The following IFT140 variants were observed in gnomAD, a reference collection of about 807,000 sequenced individuals.
IFT140 encodes intraflagellar transport protein 140 homolog.
IFT140 carries 133 observed loss-of-function variants against 164.6 expected under a neutral mutation model. The observed-to-expected ratio is 0.81, with a 90% CI of 0.70 to 0.93. The LOEUF (loss-of-function observed/expected upper bound fraction) is 0.93, where lower values mean the gene tolerates loss of function less well. IFT140 is among the 40% of genes least tolerant of loss of function. The probability of loss-of-function intolerance (pLI) is 0.00; values close to 1 mark genes in which losing one functional copy is unlikely to be tolerated. For synonymous variants in IFT140, 860 were observed against 817.3 expected, an observed-to-expected ratio of 1.05 and a Z score of -0.89; for missense variants, 2,045 against 1,972.3, an observed-to-expected ratio of 1.04 and a Z score of -0.70.
intron 19 of IFT140, among the ~76,000 whole-genome samples, chr16:1,528,506 TGCAGGCACACAC>T: frequency 6.9e-6 from 1 of 145,570 alleles, no homozygotes; most frequent in Non-Finnish European, 1.5e-5. Context: ...TACACACACA[TGCAGGCACACAC>T]ACAGGCACAC....
Position 1,534,639 on chromosome 16 carries a change from C to T in IFT140, c.2400-7843G>A, listed in dbSNP as rs761384978. On this transcript the variant is annotated intron_variant, in intron 19 of 30. Transcript: ENST00000426508. ...AGATGTTAGGCGCGGACCTGGTGAG[C>T]GGGTGGGGAGGCCTGGCCCCTGCTC... 1.7e-4 allele frequency: 276 copies of T among 1,577,582 alleles called. 1 individual carries two copies. The highest frequency in any genetic ancestry group is 7.6e-4 in the East Asian group (34 of 44,732).
chr16:1,553,931 A>C lies in IFT140; in HGVS notation c.2399+4004T>G. ...ACTAAAAAGGTCTTTGGAGCTCCTC[A>C]AAGATAAAACTGTAAGTGAAACTGT... is the stretch of plus-strand genomic sequence containing the variant. On this transcript the variant is annotated intron_variant, in intron 19 of 30. Transcript: ENST00000426508. This position sits in a 1 kb window ranked among gnomAD's most constrained non-coding sequence, Gnocchi z 4.4. 1 of 1,285,036 alleles carries C rather than the reference A, an allele frequency of 7.8e-7. No individual in the cohort carries two copies. Among genetic ancestry groups the C allele is most frequent in the East Asian group, 5.6e-5 (1 of 17,972 alleles). The allele number at this position is 1,285,036 out of a possible 1,614,324, so 79.6% of individuals were successfully genotyped here. A position where few individuals can be genotyped will look rare whatever the true frequency, so the allele number is the denominator to read the frequency against.
rs550151627 is a variant in IFT140 at position 1,605,917 on chromosome 16, C to G, written c.147+1203G>C. 2.0e-5 allele frequency among the ~76,000 whole-genome samples: 3 copies of G among 152,280 alleles called. No individual in the cohort carries two copies. In the South Asian group the frequency reaches 6.2e-4, roughly 32 times the overall value. On this transcript the variant is annotated intron_variant, in intron 3 of 30. Coordinates refer to ENST00000426508, the MANE Select transcript of IFT140 (RefSeq NM_014714.4). Reference sequence around the variant, plus strand: ...TCAGGTGAGGTCATTAGAGCAGGCCCTAGTTACATATGCCTGATGTCCTTT... The same window carrying G: ...TCAGGTGAGGTCATTAGAGCAGGCCGTAGTTACATATGCCTGATGTCCTTT...
intron 13 of IFT140, among the ~76,000 whole-genome samples, chr16:1,572,272 C>T (rs919781858): frequency 4.6e-5 from 7 of 152,152 alleles, no homozygotes; most frequent in African/African-American, 7.2e-5. Flanking sequence ...GAAGTGATTT[C>T]GCATCATTTA....
chr16:1,562,214 G>A (rs1047313598), intron 17 of IFT140, 98 bp from the exon 18 acceptor site: 1 of 1,097,982 alleles, frequency 9.1e-7, no homozygotes, highest in Non-Finnish European at 1.3e-6. Flanking sequence ...GCGTCACGGT[G>A]GGGTCGTTGC....
chr16:1,528,394 CACGG>C (rs2030008872), intron 19 of IFT140, among the ~76,000 whole-genome samples: 1 of 146,088 alleles, frequency 6.8e-6, no homozygotes, highest in Non-Finnish European at 1.5e-5. Context: ...TGTGCACACA[CACGG>C]ATGCACACAC....
intron 19 of IFT140, chr16:1,532,655 G>A (rs1047448521): frequency 6.6e-6 from 1 of 152,276 alleles, no homozygotes; most frequent in Admixed American, 6.5e-5. Context: ...GTGTGCCCAT[G>A]AACAGTTTGC....
rs148433720 is a variant in IFT140 at position 1,568,348 on chromosome 16, G to A, written c.1653-14C>T. 8.7e-5 allele frequency: 140 copies of A among 1,604,852 alleles called. No individual in the cohort carries two copies. In the East Asian group the frequency reaches 1.8e-3, roughly 21 times the overall value. On this transcript the variant is annotated splice_polypyrimidine_tract_variant and intron_variant, in intron 14 of 30. Coordinates refer to ENST00000426508, the MANE Select transcript of IFT140 (RefSeq NM_014714.4). ...GCTTTGGCCTCTCTGCAGGGAGGAA[G>A]AGGGACCTCAGTGCCCGCCAGAGGC...
intron 4 of IFT140, among the ~76,000 whole-genome samples, chr16:1,594,727 G>C (rs1341372402): frequency 6.6e-6 from 1 of 152,212 alleles, no homozygotes; most frequent in Non-Finnish European, 1.5e-5. Context: ...GACAGCCGGC[G>C]GGGCCTCCCG....
chr16:1,516,495 T>C (rs903931248), intron 30 of IFT140, among the ~76,000 whole-genome samples: 2 of 151,384 alleles, frequency 1.3e-5, no homozygotes, highest in Non-Finnish European at 3.0e-5. Flanking sequence ...TAAGGCCAGG[T>C]GCGGTGGCTC....
At chr16:1,603,004 G>T (rs889174265) in intron 3 of IFT140, among the ~76,000 whole-genome samples, 2 of 152,128 alleles carry the variant, frequency 1.3e-5, no homozygotes, top group Non-Finnish European at 2.9e-5. Flanking sequence ...TGGCGACAAG[G>T]TACAAAAGCT....
chr16:1,523,728 TGCCCGAGGCCTGGGG>T, intron 25 of IFT140, 28 bp from the exon 26 acceptor site: 2 of 1,608,256 alleles, frequency 1.2e-6, no homozygotes, highest in South Asian at 2.2e-5. Context: ...TCTGAGCAGC[TGCCCGAGGCCTGGGG>T]GCCCGAGCAC....
chr16:1,607,156 T>C lies in IFT140; in HGVS notation c.111A>G (p.Thr37=). 1 of 1,614,208 alleles carries C rather than the reference T, an allele frequency of 6.2e-7. No individual in the cohort carries two copies. Among genetic ancestry groups the C allele is most frequent in the Non-Finnish European group, 8.5e-7 (1 of 1,180,032 alleles). Residue 37 remains threonine, a synonymous_variant, in exon 3 of 31, where the codon ACA becomes ACG. Transcript: ENST00000426508. ...HPFLAVAYIS[T]TSTGSVDIYL... ...AAATATCCACGCTGCCTGTTGAGGT[T>C]GTGCTGATGTAAGCAACTGCCAAGA...
chr16:1,571,365 A>T, intron 14 of IFT140, 42 bp downstream of exon 14: 1 of 1,598,778 alleles, frequency 6.3e-7, no homozygotes, highest in South Asian at 1.1e-5. Context: ...CTCCTGACTG[A>T]CTAAAAAAAT....
chr16:1,571,324 C>G, intron 14 of IFT140, 83 bp downstream of exon 14: 5 of 1,377,516 alleles, frequency 3.6e-6, no homozygotes, highest in Non-Finnish European at 5.0e-6. Context: ...AGTCTTCTGG[C>G]TTCTAACTCA....
chr16:1,525,008 C>G (rs1254473457), intron 22 of IFT140, 92 bp from the exon 23 acceptor site: 1 of 1,488,934 alleles, frequency 6.7e-7, no homozygotes, highest in African/African-American at 1.4e-5. Flanking sequence ...CCTTAGAGTG[C>G]ATGTCACCTG....
intron 4 of IFT140, among the ~76,000 whole-genome samples, chr16:1,596,059 C>A (rs1181843698): frequency 1.3e-5 from 2 of 152,104 alleles, no homozygotes; most frequent in Admixed American, 6.6e-5. Context: ...CCGTCTAAAA[C>A]AAACAAAAAC....
intron 7 of IFT140, among the ~76,000 whole-genome samples, chr16:1,588,382 G>A (rs988396909): frequency 2.6e-5 from 4 of 152,090 alleles, no homozygotes; most frequent in South Asian, 4.2e-4. Flanking sequence ...AAAATTAGCC[G>A]GGCATTGTGG....
intron 30 of IFT140, among the ~76,000 whole-genome samples, chr16:1,513,736 C>G (rs542462716): frequency 4.9e-4 from 74 of 150,186 alleles, no homozygotes; most frequent in African/African-American, 1.6e-3. Flanking sequence ...TGCAGTGGTG[C>G]GATCTCTGCT....
Sources: allele counts gnomAD v4.1 joint callset (sites outside exome capture counted in the v4.1 genomes callset), GRCh38; gene constraint gnomAD v4.1.1; non-coding constraint Gnocchi (gnomAD v3.1); transcripts MANE v1.5; gene names NCBI Gene and HGNC (gene_info 2026-07-23, HGNC 2026-07-21).